Variants in FAM47B observed in about 807,000 individuals in gnomAD.
FAM47B encodes the protein protein FAM47B.
For missense variants in FAM47B, 581 were observed against 550.1 expected, an observed-to-expected ratio of 1.06 and a Z score of -0.56; for synonymous variants, 247 against 215.8, an observed-to-expected ratio of 1.14 and a Z score of -1.27.
chrX:34,944,102 G>A lies in FAM47B; in HGVS notation c.1271G>A (p.Cys424Tyr). 8.3e-7 allele frequency: 1 copy of A among 1,211,308 alleles called. No individual in the cohort carries two copies. The highest frequency in any genetic ancestry group is 1.1e-6 in the Non-Finnish European group (1 of 895,439). Residue 424 changes from cysteine (C) to tyrosine (Y), a missense_variant, in exon 1 of 1, where the codon TGC becomes TAC. Transcript: ENST00000329357. ...PPKTRRVSSL[C>Y]PEPTKTGASH... ...AAGACTCGTCGGGTGTCCAGTCTCT[G>A]CCCGGAGCCTACCAAGACCGGAGCG... is the stretch of plus-strand genomic sequence containing the variant.
chrX:34,943,306 C>A lies in FAM47B; in HGVS notation c.475C>A (p.Leu159Met), dbSNP rs372317894. Residue 159 changes from leucine to methionine, a missense_variant, in exon 1 of 1, where the codon CTG becomes ATG. Physicochemically the swap from Leu to Met is conservative, Grantham distance 15. Coordinates refer to ENST00000329357, the MANE Select transcript of FAM47B (RefSeq NM_152631.3). Reference protein sequence around the residue: ...VLKQLDPERKLEDAWARCEAR... With the variant: ...VLKQLDPERKMEDAWARCEAR... ...GAAACAGCTGGATCCCGAGAGGAAG[C>A]TGGAGGACGCTTGGGCTCGTTGTGA... 2 of 1,211,283 alleles carry A rather than the reference C, an allele frequency of 1.7e-6. No individual in the cohort carries two copies. The highest frequency in any genetic ancestry group is 2.2e-6 in the Non-Finnish European group (2 of 895,324).
In FAM47B at chrX:34,944,449, A is replaced by G; in HGVS notation, c.1618A>G (p.Ser540Gly). ...RRRRAAPHSY[S>G]AQRGRIRYGP... is the part of the protein sequence containing the mutation. Reference sequence around the variant, plus strand: ...ACGCCGGGCGGCACCGCATTCTTATAGTGCACAGCGTGGGAGGATAAGGTA... The same window carrying G: ...ACGCCGGGCGGCACCGCATTCTTATGGTGCACAGCGTGGGAGGATAAGGTA... The change falls in exon 1 of 1, where the codon AGT becomes GGT. Residue 540 changes from serine to glycine, a missense_variant. By Grantham distance (56) the Ser-to-Gly change is moderately conservative (BLOSUM62 0). Transcript: ENST00000329357. 1.7e-6 allele frequency: 2 copies of G among 1,211,964 alleles called. No individual in the cohort carries two copies. Among genetic ancestry groups the G allele is most frequent in the Non-Finnish European group, 2.2e-6 (2 of 895,573 alleles).
At position 34,943,177 on chromosome X, in the gene FAM47B, G is replaced by A. The variant is rs1315228433; in HGVS notation, c.346G>A (p.Ala116Thr). The A allele has an allele frequency of 8.3e-7, 1 of 1,211,512 alleles. No individual in the cohort carries two copies. Among genetic ancestry groups the A allele is most frequent in the African/African-American group, 1.7e-5 (1 of 57,812 alleles). Residue 116 changes from alanine (A) to threonine (T), a missense_variant, in exon 1 of 1, where the codon GCG becomes ACG. Physicochemically the swap from Ala to Thr is moderately conservative, Grantham distance 58 (BLOSUM62 0). Coordinates refer to ENST00000329357, the MANE Select transcript of FAM47B (RefSeq NM_152631.3). ...ELSPVQPARK[A>T]FVEEVEAQLM... is the part of the protein sequence containing the mutation. ...CTCGCCAGTACAGCCAGCACGGAAG[G>A]CGTTCGTAGAGGAAGTGGAAGCCCA...
chrX:34,944,599 A>G lies in FAM47B; in HGVS notation c.1768A>G (p.Ile590Val). Residue 590 changes from isoleucine to valine, a missense_variant, in exon 1 of 1, where the codon ATT (isoleucine) becomes GTT (valine). Physicochemically the swap from Ile to Val is conservative, Grantham distance 29. Transcript: ENST00000329357. ...PDILDGLYGPIAFKDFILSKG... is the reference protein window; with the variant it reads ...PDILDGLYGPVAFKDFILSKG... ...CATTCTTGACGGTCTTTATGGACCA[A>G]TTGCCTTTAAGGATTTCATTCTAAG... 8.3e-7 allele frequency: 1 copy of G among 1,208,859 alleles called. No homozygotes were observed. Among genetic ancestry groups the G allele is most frequent in the African/African-American group, 1.8e-5 (1 of 57,105 alleles).
In FAM47B at chrX:34,944,758, AAAG is replaced by A. The variant is rs1292060875; in HGVS notation, c.1932_1934del (p.Glu644del). 24 of 1,152,385 alleles carry A rather than the reference AAAG, an allele frequency of 2.1e-5. No homozygotes were observed. Among genetic ancestry groups the A allele is most frequent in the Admixed American group, 5.5e-5 (2 of 36,077 alleles). 95.0% of individuals were successfully genotyped at this position (1,152,385 alleles called of 1,213,427 possible). Reference sequence around the variant, plus strand: ...CAAAGAAGACGTCACAGATGCATCAAAAGAAGATTAGATGGTTTTCAATTTACT... The same window carrying A: ...CAAAGAAGACGTCACAGATGCATCAAAAGATTAGATGGTTTTCAATTTACT... On this transcript the variant is annotated inframe_deletion, in exon 1 of 1. Transcript: ENST00000329357.
At position 34,943,575 on chromosome X, in the gene FAM47B, C is replaced by G. The variant is rs369604412; in HGVS notation, c.744C>G (p.Arg248=). Residue 248 remains arginine, a synonymous_variant, in exon 1 of 1, where the codon CGC becomes CGG. Transcript: ENST00000329357. ...EPPETRASHL[R]VDPPETGVSH... is the part of the protein sequence containing the mutation. ...CAGAGACTCGCGCATCTCATCTCCG[C>G]GTGGATCCTCCCGAGACTGGAGTGT... 16 of 1,207,374 alleles carry G rather than the reference C, an allele frequency of 1.3e-5. No individual in the cohort carries two copies. The highest frequency in any genetic ancestry group is 1.7e-5 in the Non-Finnish European group (15 of 894,441).
Position 34,943,429 on chromosome X carries a change from C to G in FAM47B, c.598C>G (p.Arg200Gly). 8.3e-7 allele frequency: 1 copy of G among 1,210,711 alleles called. No homozygotes were observed. The change falls in exon 1 of 1, where the codon CGT becomes GGT. Residue 200 changes from arginine (R) to glycine (G), a missense_variant. By Grantham distance (125) the Arg-to-Gly change is moderately radical. Coordinates refer to ENST00000329357, the MANE Select transcript of FAM47B (RefSeq NM_152631.3). ...RPPETPVSRL[R>G]PQLPKTPVSS... The stretch of plus-strand genomic sequence containing the variant: ...TCCCGAGACTCCGGTGTCCCGTCTC[C>G]GTCCTCAGCTTCCCAAGACTCCGGT...
rs778311712 is a variant in FAM47B, at chrX:34,943,466, G to A, written c.635G>A (p.Arg212His). Residue 212 changes from arginine to histidine, a missense_variant, in exon 1 of 1, where the codon CGC becomes CAC. Transcript: ENST00000329357. ...CCCAAGACTCCGGTGTCCAGTCGCC[G>A]CCCAGAGCCTCCCAAGACTCGGGTG... ...QLPKTPVSSR[R>H]PEPPKTRVSS... The A allele has an allele frequency of 3.3e-6, 4 of 1,210,085 alleles. No homozygotes were observed. Among genetic ancestry groups the A allele is most frequent in the East Asian group, 3.0e-5 (1 of 33,688 alleles).
rs778974368 is a variant in FAM47B, at chrX:34,943,546, C to G, written c.715C>G (p.Pro239Ala). The G allele has an allele frequency of 2.1e-5, 26 of 1,210,728 alleles. 1 individual carries two copies. In the East Asian group the frequency reaches 4.7e-4, roughly 22 times the overall value. ...TCGGGTGTCCAGTCTCCACCCGGAACCTCCAGAGACTCGCGCATCTCATCT... is the reference window on the plus strand; with the variant it reads ...TCGGGTGTCCAGTCTCCACCCGGAAGCTCCAGAGACTCGCGCATCTCATCT... ...KTRVSSLHPEPPETRASHLRV... is the reference protein window; with the variant it reads ...KTRVSSLHPEAPETRASHLRV... The change falls in exon 1 of 1, where the codon CCT becomes GCT. Residue 239 changes from proline (P) to alanine (A), a missense_variant. By Grantham distance (27) the Pro-to-Ala change is conservative. Coordinates refer to ENST00000329357, the MANE Select transcript of FAM47B (RefSeq NM_152631.3).
At position 34,944,187 on chromosome X, in the gene FAM47B, C is replaced by G. The variant is rs1343132321; in HGVS notation, c.1356C>G (p.Asp452Glu). Residue 452 changes from aspartate (D) to glutamate (E), a missense_variant, in exon 1 of 1, where the codon GAC becomes GAG. Physicochemically the swap from Asp to Glu is conservative, Grantham distance 45 (BLOSUM62 2). Coordinates refer to ENST00000329357, the MANE Select transcript of FAM47B (RefSeq NM_152631.3). Reference sequence around the variant, plus strand: ...CAAGCACAATGGAGTGTGTTTCTGACTCTCTTCAACGTAGACACACATCGA... The same window carrying G: ...CAAGCACAATGGAGTGTGTTTCTGAGTCTCTTCAACGTAGACACACATCGA... ...DTPSTMECVS[D>E]SLQRRHTSRK... 1.7e-6 allele frequency: 2 copies of G among 1,209,841 alleles called. No homozygotes were observed. Among genetic ancestry groups the G allele is most frequent in the Non-Finnish European group, 2.2e-6 (2 of 895,306 alleles).
rs1406348970 is a variant in FAM47B at position 34,943,221 on chromosome X, C to T, written c.390C>T (p.Pro130=). ...AAGCCCAGCTGATGACCAAGCATCC[C>T]TTGGCCATGTACCCCAATCTGGGAA... The part of the protein sequence containing the change: ...EVEAQLMTKH[P]LAMYPNLGKD... Residue 130 remains proline (P), a synonymous_variant, in exon 1 of 1, where the codon CCC becomes CCT. Coordinates refer to ENST00000329357, the MANE Select transcript of FAM47B (RefSeq NM_152631.3). The T allele has an allele frequency of 1.3e-5, 16 of 1,209,170 alleles. No individual in the cohort carries two copies. The highest frequency in any genetic ancestry group is 1.8e-5 in the Non-Finnish European group (16 of 894,924).
In FAM47B at chrX:34,944,341, T is replaced by C. The variant is rs1926844624; in HGVS notation, c.1510T>C (p.Cys504Arg). ...CCAAAAGATTAAGAAGGCAAACGAG[T>C]GTGCTTCAAGGCTGATGTACGGCAT... is the stretch of plus-strand genomic sequence containing the variant. ...QDQKIKKANE[C>R]ASRLMYGMEL... The change falls in exon 1 of 1, where the codon TGT becomes CGT. Residue 504 changes from cysteine to arginine, a missense_variant. Coordinates refer to ENST00000329357, the MANE Select transcript of FAM47B (RefSeq NM_152631.3). 1.7e-6 allele frequency: 2 copies of C among 1,210,953 alleles called. No homozygotes were observed. The highest frequency in any genetic ancestry group is 1.8e-5 in the South Asian group (1 of 56,945).
rs1452239977 is a variant in FAM47B, at chrX:34,944,011, A to T, written c.1180A>T (p.Met394Leu). The change falls in exon 1 of 1, where the codon ATG becomes TTG. Residue 394 changes from methionine to leucine, a missense_variant. By Grantham distance (15) the Met-to-Leu change is conservative. Coordinates refer to ENST00000329357, the MANE Select transcript of FAM47B (RefSeq NM_152631.3). ...ESCPRPFESRMPHLRLVLPIT... is the reference protein window; with the variant it reads ...ESCPRPFESRLPHLRLVLPIT... The stretch of plus-strand genomic sequence containing the variant: ...CTGTCCGCGGCCTTTTGAGAGTCGG[A>T]TGCCCCATCTCCGCCTGGTGCTTCC... 6 of 1,209,211 alleles carry T rather than the reference A, an allele frequency of 5.0e-6. No individual in the cohort carries two copies.
In FAM47B at chrX:34,943,006, C is replaced by T. The variant is rs1229137762; in HGVS notation, c.175C>T (p.Arg59Cys). 2 of 1,212,292 alleles carry T rather than the reference C, an allele frequency of 1.6e-6. No homozygotes were observed. Among genetic ancestry groups the T allele is most frequent in the South Asian group, 1.8e-5 (1 of 57,026 alleles). Residue 59 changes from arginine (R) to cysteine (C), a missense_variant, in exon 1 of 1, where the codon CGC (arginine) becomes TGC (cysteine). Transcript: ENST00000329357. Reference protein sequence around the residue: ...VFVTEGMDDFRYACQSPEDTL... With the variant: ...VFVTEGMDDFCYACQSPEDTL... Reference sequence around the variant, plus strand: ...TGTGACGGAGGGCATGGACGACTTCCGCTACGCCTGTCAGTCTCCTGAAGA... The same window carrying T: ...TGTGACGGAGGGCATGGACGACTTCTGCTACGCCTGTCAGTCTCCTGAAGA...
rs1286338130 is a variant in FAM47B, at chrX:34,943,176, G to A, written c.345G>A (p.Lys115=). 1.7e-6 allele frequency: 2 copies of A among 1,211,444 alleles called. No homozygotes were observed. The highest frequency in any genetic ancestry group is 2.3e-4 in the Middle Eastern group (1 of 4,341). Reference sequence around the variant, plus strand: ...TCTCGCCAGTACAGCCAGCACGGAAGGCGTTCGTAGAGGAAGTGGAAGCCC... The same window carrying A: ...TCTCGCCAGTACAGCCAGCACGGAAAGCGTTCGTAGAGGAAGTGGAAGCCC... ...SELSPVQPAR[K]AFVEEVEAQL... Residue 115 remains lysine (K), a synonymous_variant, in exon 1 of 1, where the codon AAG becomes AAA. Transcript: ENST00000329357.
chrX:34,944,310 T>G lies in FAM47B; in HGVS notation c.1479T>G (p.Asp493Glu), dbSNP rs374661525. 1 of 1,211,375 alleles carries G rather than the reference T, an allele frequency of 8.3e-7. No homozygotes were observed. The highest frequency in any genetic ancestry group is 1.1e-6 in the Non-Finnish European group (1 of 895,498). ...FDFTPECRTT[D>E]QDQKIKKANE... ...TTACCCCTGAGTGCAGAACAACCGA[T>G]CAAGACCAAAAGATTAAGAAGGCAA... The change falls in exon 1 of 1, where the codon GAT becomes GAG. Residue 493 changes from aspartate (D) to glutamate (E), a missense_variant. Coordinates refer to ENST00000329357, the MANE Select transcript of FAM47B (RefSeq NM_152631.3).
Position 34,943,684 on chromosome X carries a change from C to T in FAM47B, c.853C>T (p.Pro285Ser), listed in dbSNP as rs543166313. 8.7e-5 allele frequency: 105 copies of T among 1,206,477 alleles called. No individual in the cohort carries two copies. The Admixed American group carries it at 1.8e-3, about 20-fold the overall frequency. The change falls in exon 1 of 1, where the codon CCG becomes TCG. Residue 285 changes from proline to serine, a missense_variant. By Grantham distance (74) the Pro-to-Ser change is moderately conservative. Coordinates refer to ENST00000329357, the MANE Select transcript of FAM47B (RefSeq NM_152631.3). ...TGATACTGGAGCGTCCCATCTCTGC[C>T]CGGAGCCTCCCGAGACTCGCGTATC... is the stretch of plus-strand genomic sequence containing the variant. ...PPDTGASHLC[P>S]EPPETRVSHL... is the part of the protein sequence containing the mutation.
At position 34,944,845 on chromosome X, in the gene FAM47B, G is replaced by T; in HGVS notation, c.*76G>T. Reference sequence around the variant, plus strand: ...CATCAATCAGAATTTATGATGACTGGCCCCGTGAATGTACAACTTTGGCAA... The same window carrying T: ...CATCAATCAGAATTTATGATGACTGTCCCCGTGAATGTACAACTTTGGCAA... On this transcript the variant is annotated 3_prime_UTR_variant, in exon 1 of 1. Transcript: ENST00000329357. 2.8e-6 allele frequency: 3 copies of T among 1,067,525 alleles called. No individual in the cohort carries two copies. The highest frequency in any genetic ancestry group is 3.7e-6 in the Non-Finnish European group (3 of 806,739). 88.0% of individuals were successfully genotyped at this position (1,067,525 alleles called of 1,213,427 possible).
Position 34,943,000 on chromosome X carries a change from G to A in FAM47B, c.169G>A (p.Asp57Asn). ...NWVFVTEGMD[D>N]FRYACQSPED... ...GGTATTTGTGACGGAGGGCATGGAC[G>A]ACTTCCGCTACGCCTGTCAGTCTCC... Residue 57 changes from aspartate to asparagine, a missense_variant, in exon 1 of 1, where the codon GAC (aspartate) becomes AAC (asparagine). Physicochemically the swap from Asp to Asn is conservative, Grantham distance 23. Coordinates refer to ENST00000329357, the MANE Select transcript of FAM47B (RefSeq NM_152631.3). 8.2e-7 allele frequency: 1 copy of A among 1,212,321 alleles called. No homozygotes were observed. The highest frequency in any genetic ancestry group is 1.1e-6 in the Non-Finnish European group (1 of 895,649).
Sources: allele counts gnomAD v4.1 joint callset, GRCh38; gene constraint gnomAD v4.1.1; transcripts MANE v1.5; gene names NCBI Gene and HGNC (gene_info 2026-07-23, HGNC 2026-07-21).